Variants in LSS observed in about 807,000 individuals in gnomAD.
LSS encodes the protein lanosterol synthase, also known as 2,3-epoxysqualene-lanosterol cyclase.
Under a neutral mutation model 110.3 loss-of-function variants are expected in LSS, and 90 were observed. The ratio of observed to expected loss-of-function variants is 0.82; its 90% CI spans 0.69 to 0.97. The LOEUF is 0.97. Among genes scored for constraint, LSS ranks in the 50% least tolerant of loss-of-function variants. The pLI, the probability that LSS is intolerant of heterozygous loss-of-function variation, is 0.00. For missense variants in LSS, 927 were observed against 990.0 expected (o/e 0.94, Z 0.85); for synonymous variants, 433 against 400.0 (o/e 1.08, Z -0.98).
Position 46,219,437 on chromosome 21 carries a change from G to C in LSS, c.647+39C>G, listed in dbSNP as rs202125563. On this transcript the variant is annotated intron_variant, in intron 6 of 21. Coordinates refer to ENST00000397728, the MANE Select transcript of LSS (RefSeq NM_002340.6). ...CCCTGTCACTCTACTCCCCGGGACA[G>C]CAGCAGCGACCCAACAACCCAATCA... 66 of 1,475,900 alleles carry C rather than the reference G, an allele frequency of 4.5e-5. No homozygotes were observed. The Admixed American group carries it at 9.9e-4, about 22-fold the overall frequency. 91.4% of individuals were successfully genotyped at this position (1,475,900 alleles called of 1,614,324 possible). A position where few individuals can be genotyped will look rare whatever the true frequency, so the allele number is the denominator to read the frequency against.
In LSS at chr21:46,221,880, C is replaced by T. The variant is rs2839158; in HGVS notation, c.524G>A (p.Arg175Gln). Residue 175 changes from arginine (R) to glutamine (Q), a missense_variant, in exon 5 of 22, where the codon CGA becomes CAA. Arg to Gln is a conservative substitution (Grantham distance 43, BLOSUM62 1). Coordinates refer to ENST00000397728, the MANE Select transcript of LSS (RefSeq NM_002340.6). The part of the protein sequence containing the change: ...GVGPDDPDLV[R>Q]ARNILHKKGG... ...TTTCTTGTGAAGAATGTTCCGGGCT[C>T]GTACCAGGTCAGGATCGTCAGGCCC... is the stretch of plus-strand genomic sequence containing the variant. 252,356 of 1,613,904 alleles carry T rather than the reference C, an allele frequency of 0.16. 20,582 individuals are homozygous for T. The highest frequency in any genetic ancestry group is 0.18 in the Middle Eastern group (1,063 of 6,056).
intron 4 of LSS, chr21:46,222,408 C>G (rs1013931999): frequency 1.7e-5 from 10 of 579,428 alleles, no homozygotes; most frequent in East Asian, 2.9e-5. Context: ...TCAAGAGTGT[C>G]CTAACAGCCA....
intron 3 of LSS, among the ~76,000 whole-genome samples, chr21:46,224,072 C>T (rs372916631): frequency 2.0e-5 from 3 of 151,796 alleles, no homozygotes; most frequent in Non-Finnish European, 4.4e-5. Flanking sequence ...GCTCCTAGTC[C>T]GCCTTCATGT....
rs185704773 is a variant in LSS at position 46,213,504 on chromosome 21, C to T, written c.1109+234G>A. Among the ~76,000 whole-genome samples, 43 of 152,314 alleles carry T rather than the reference C, an allele frequency of 2.8e-4. No individual in the cohort carries two copies. The East Asian group carries it at 4.6e-3, about 16-fold the overall frequency. On this transcript the variant is annotated intron_variant, in intron 10 of 21. Coordinates refer to ENST00000397728, the MANE Select transcript of LSS (RefSeq NM_002340.6). Reference sequence around the variant, plus strand: ...CCTGAACCTGCCCTGCTACCTACCACCCCCTTCCTCACTCTACCTTCTGGG... The same window carrying T: ...CCTGAACCTGCCCTGCTACCTACCATCCCCTTCCTCACTCTACCTTCTGGG...
In LSS at chr21:46,191,979, A is replaced by C. The variant is rs201716816; in HGVS notation, c.1989-20T>G. 7.3e-5 allele frequency: 115 copies of C among 1,583,018 alleles called. No homozygotes were observed. In the East Asian group the frequency reaches 1.8e-3, roughly 25 times the overall value. On this transcript the variant is annotated intron_variant, in intron 20 of 21. Transcript: ENST00000397728. Reference sequence around the variant, plus strand: ...GGATGCCTGGTGGAAGAGAAGGCTGAAACACACCCAGCATGCATGCCCCCA... The same window carrying C: ...GGATGCCTGGTGGAAGAGAAGGCTGCAACACACCCAGCATGCATGCCCCCA...
At chr21:46,207,354 A>C in intron 15 of LSS, 74 bp downstream of exon 15, 5 of 1,548,168 alleles carry the variant, frequency 3.2e-6, no homozygotes, top group South Asian at 1.2e-5. Context: ...TGGAGCCCAC[A>C]GGAGTGGAAG....
chr21:46,200,480 A>T (rs1434251255), intron 17 of LSS, among the ~76,000 whole-genome samples: 1 of 152,202 alleles, frequency 6.6e-6, no homozygotes, highest in Non-Finnish European at 1.5e-5. Flanking sequence ...CTTCCTGGTA[A>T]GGTGCAGGAG....
At chr21:46,205,410 T>G (rs1458605172) in intron 17 of LSS, among the ~76,000 whole-genome samples, 2 of 152,132 alleles carry the variant, frequency 1.3e-5, no homozygotes, top group African/African-American at 4.8e-5. Flanking sequence ...GGCGGCCCCG[T>G]CATGGGGCGG....
At chr21:46,225,302 A>C (rs983349612) in intron 3 of LSS, 2 of 425,988 alleles carry the variant, frequency 4.7e-6, no homozygotes, top group Non-Finnish European at 9.4e-6. Flanking sequence ...CCTTCTGTTA[A>C]GCCCGGACAA....
Position 46,221,979 on chromosome 21 carries a change from C to G in LSS, c.429-4G>C. ...GGTGGACTTATCCTCAATGTGCCTACAGGAGCAGAGGACAGGTGAGAAACC... is the reference window on the plus strand; with the variant it reads ...GGTGGACTTATCCTCAATGTGCCTAGAGGAGCAGAGGACAGGTGAGAAACC... On this transcript the variant is annotated splice_region_variant and splice_polypyrimidine_tract_variant and intron_variant, in intron 4 of 21. Transcript: ENST00000397728. 6.2e-7 allele frequency: 1 copy of G among 1,614,132 alleles called. No individual in the cohort carries two copies. The highest frequency in any genetic ancestry group is 8.5e-7 in the Non-Finnish European group (1 of 1,180,014).
At chr21:46,228,703 C>T (rs1480018233) in intron 1 of LSS, 29 bp downstream of exon 1, 1 of 1,602,856 alleles carries the variant, frequency 6.2e-7, no homozygotes, top group African/African-American at 1.3e-5. Context: ...ACCCCGCATT[C>T]GTCAGGAGCC....
intron 9 of LSS, among the ~76,000 whole-genome samples, chr21:46,214,867 CCCAGCTAG>C (rs1039496811): frequency 6.6e-6 from 1 of 152,140 alleles, no homozygotes; most frequent in African/African-American, 2.4e-5. Context: ...AAGCACCCCT[CCCAGCTAG>C]CCAGCTAGCC....
In LSS at chr21:46,196,224, T is replaced by A. The variant is rs2079908066; in HGVS notation, c.1714A>T (p.Arg572Trp). The A allele has an allele frequency of 1.9e-6, 3 of 1,614,136 alleles. No individual in the cohort carries two copies. Among genetic ancestry groups the A allele is most frequent in the Non-Finnish European group, 2.5e-6 (3 of 1,180,034 alleles). Residue 572 changes from arginine to tryptophan, a missense_variant, in exon 18 of 22, where the codon AGG (arginine) becomes TGG (tryptophan). Transcript: ENST00000397728. ...CACCCTTCCCAGGAGCCATCGGCCC[T>A]CTGCTGCCGCCGACAGAACTCTAAG... ...QGLEFCRRQQ[R>W]ADGSWEGSWG...
rs2079878908 is a variant in LSS at position 46,194,521 on chromosome 21, C to T, written c.1958G>A (p.Cys653Tyr). 1 of 1,613,856 alleles carries T rather than the reference C, an allele frequency of 6.2e-7. No individual in the cohort carries two copies. Among genetic ancestry groups the T allele is most frequent in the Non-Finnish European group, 8.5e-7 (1 of 1,180,034 alleles). ...GGCCATCAGCCCCATCATGGCCCAG[C>T]ATGTGTTATGGATCTGGGACTGGGC... is the stretch of plus-strand genomic sequence containing the variant. ...QSAQSQIHNT[C>Y]WAMMGLMAVR... Residue 653 changes from cysteine to tyrosine, a missense_variant, in exon 20 of 22, where the codon TGC (cysteine) becomes TAC (tyrosine). Coordinates refer to ENST00000397728, the MANE Select transcript of LSS (RefSeq NM_002340.6).
At chr21:46,220,184 T>G (rs746400951) in intron 5 of LSS, 2 of 152,276 alleles carry the variant, frequency 1.3e-5, no homozygotes, top group African/African-American at 4.8e-5. Flanking sequence ...CCAAAAGGTA[T>G]GCAAAAGTCA....
chr21:46,228,286 C>A, intron 2 of LSS, 148 bp downstream of exon 2: 3 of 806,986 alleles, frequency 3.7e-6, no homozygotes, highest in Non-Finnish European at 5.7e-6. Flanking sequence ...AGCGGAGGGG[C>A]CCGCGAACGC....
chr21:46,222,921 C>T (rs527909373), intron 3 of LSS, among the ~76,000 whole-genome samples, 183 bp from the exon 4 acceptor site: 67 of 152,356 alleles, frequency 4.4e-4, no homozygotes, highest in African/African-American at 1.1e-3. Context: ...CCAGAAGGAA[C>T]GTCAGCCACA....
In LSS at chr21:46,219,523, C is replaced by G. The variant is rs2080247884; in HGVS notation, c.600G>C (p.Leu200=). The G allele has an allele frequency of 6.2e-6, 10 of 1,604,104 alleles. No homozygotes were observed. The highest frequency in any genetic ancestry group is 8.5e-6 in the Non-Finnish European group (10 of 1,175,284). The change falls in exon 6 of 22, where the codon CTG becomes CTC. Residue 200 remains leucine, a synonymous_variant. Coordinates refer to ENST00000397728, the MANE Select transcript of LSS (RefSeq NM_002340.6). The stretch of plus-strand genomic sequence containing the variant: ...TGAGGCCTTCCCAGCTGTAAACATT[C>G]AGGACAGCCAGCCAGAACTTCCCCC... ...PSWGKFWLAV[L]NVYSWEGLNT...
intron 14 of LSS, 100 bp downstream of exon 14, chr21:46,208,151 T>TCCCCCAGGGAGGAGC: frequency 9.2e-7 from 1 of 1,091,516 alleles, no homozygotes; most frequent in Non-Finnish European, 1.3e-6. Flanking sequence ...AAGGGAGGAG[T>TCCCCCAGGGAGGAGC]CCCCCAGGGA....
Sources: gnomAD v4.1 joint callset for allele counts (sites outside exome capture counted in the v4.1 genomes callset) on GRCh38, gnomAD v4.1.1 for gene constraint, MANE v1.5 for transcripts, NCBI Gene and HGNC (gene_info 2026-07-23, HGNC 2026-07-21) for gene names.